The following DHRS7B variants were observed in gnomAD, a reference collection of about 807,000 sequenced individuals.
DHRS7B encodes dehydrogenase/reductase 7B.
Under a neutral mutation model 26.4 loss-of-function variants are expected in DHRS7B, and 24 were observed. The observed-to-expected ratio is 0.91, with a 90% confidence interval of 0.66 to 1.28. The LOEUF is 1.28. Ranked by LOEUF, DHRS7B falls within the 50% of genes most tolerant of loss-of-function variation. The probability of loss-of-function intolerance (pLI) is 0.00; values close to 1 mark genes in which losing one functional copy is unlikely to be tolerated. For missense variants in DHRS7B, 368 were observed against 419.4 expected (o/e 0.88, Z 1.07); for synonymous variants, 142 against 166.4 (o/e 0.85, Z 1.13).
chr17:21,184,024 C>T (rs990733968), intron 4 of DHRS7B, among the ~76,000 whole-genome samples: 4 of 152,202 alleles, frequency 2.6e-5, no homozygotes, highest in Non-Finnish European at 4.4e-5. Context: ...GCATTACCTA[C>T]ATGTCTTTTT....
chr17:21,129,454 C>G (rs1973178241), intron 1 of DHRS7B, among the ~76,000 whole-genome samples: 1 of 151,854 alleles, frequency 6.6e-6, no homozygotes, highest in Non-Finnish European at 1.5e-5. Context: ...ACCTATAATC[C>G]GAGCGCTTTG....
intron 1 of DHRS7B, among the ~76,000 whole-genome samples, chr17:21,138,343 C>T (rs1285543134): frequency 6.6e-6 from 1 of 150,388 alleles, no homozygotes; most frequent in African/African-American, 2.5e-5. Flanking sequence ...CCTGCCTCAG[C>T]CTCCTGAGTA....
At chr17:21,165,916 CAA>C (rs11346854) in intron 1 of DHRS7B, among the ~76,000 whole-genome samples, 125 of 119,410 alleles carry the variant, frequency 1.0e-3, no homozygotes, top group African/African-American at 1.8e-3. Flanking sequence ...ACTCCGTCTC[CAA>C]AAAAAAAAAA....
intron 1 of DHRS7B, among the ~76,000 whole-genome samples, chr17:21,133,389 T>G (rs1164789550): frequency 6.8e-6 from 1 of 147,084 alleles, no homozygotes; most frequent in Non-Finnish European, 1.5e-5. Flanking sequence ...TAATTCCATC[T>G]AGAAAGGCAG....
chr17:21,184,499 T>C, intron 5 of DHRS7B, 36 bp downstream of exon 5: 1 of 1,573,062 alleles, frequency 6.4e-7, no homozygotes, highest in South Asian at 1.1e-5. Context: ...TGCTTGGCTT[T>C]ATTGTTTTTT....
chr17:21,177,259 A>G (rs1597754301), intron 2 of DHRS7B, among the ~76,000 whole-genome samples: 1 of 152,142 alleles, frequency 6.6e-6, no homozygotes, highest in Non-Finnish European at 1.5e-5. Context: ...ACGTGAGAGC[A>G]CCCGGGCAGC....
Position 21,172,121 on chromosome 17 carries a change from C to G in DHRS7B, c.124C>G (p.Gln42Glu), listed in dbSNP as rs749756931. Reference protein sequence around the residue: ...LGVFGLFRLLQWVRGKAYLRN... With the variant: ...LGVFGLFRLLEWVRGKAYLRN... ...CGTCTTCGGCCTCTTCCGGCTGCTG[C>G]AGTGGGTGCGCGGGAAGGCCTACCT... Residue 42 changes from glutamine to glutamate, a missense_variant, in exon 2 of 7, where the codon CAG (glutamine) becomes GAG (glutamate). Physicochemically the swap from Gln to Glu is conservative, Grantham distance 29. Coordinates refer to ENST00000395511, the MANE Select transcript of DHRS7B (RefSeq NM_015510.5). 14 of 1,614,030 alleles carry G rather than the reference C, an allele frequency of 8.7e-6. No individual in the cohort carries two copies. Among genetic ancestry groups the G allele is most frequent in the Non-Finnish European group, 1.1e-5 (13 of 1,180,032 alleles).
At chr17:21,149,244 A>C (rs187164966) in intron 1 of DHRS7B, among the ~76,000 whole-genome samples, 371 of 152,270 alleles carry the variant, frequency 2.4e-3, no homozygotes, top group Non-Finnish European at 4.4e-3. Flanking sequence ...CCATTCAAAA[A>C]TACTGTGTCC....
At chr17:21,150,105 TAAAAAAA>T (rs61516968) in intron 1 of DHRS7B, among the ~76,000 whole-genome samples, 146 of 50,052 alleles carry the variant, frequency 2.9e-3, no homozygotes, top group African/African-American at 0.011. Flanking sequence ...CATCTCTATT[TAAAAAAA>T]AAAAAAAAAA....
At chr17:21,188,004 A>G (rs1244813456) in intron 5 of DHRS7B, among the ~76,000 whole-genome samples, 1 of 151,986 alleles carries the variant, frequency 6.6e-6, no homozygotes, top group African/African-American at 2.4e-5. Context: ...ACCCGCCACC[A>G]AGCCTGGCTA....
chr17:21,186,389 G>A (rs1974635455), intron 5 of DHRS7B, among the ~76,000 whole-genome samples: 1 of 152,134 alleles, frequency 6.6e-6, no homozygotes, highest in African/African-American at 2.4e-5. Flanking sequence ...TCTGTTTTGG[G>A]GACTTACATG....
chr17:21,171,085 C>T (rs1466866202), intron 1 of DHRS7B, among the ~76,000 whole-genome samples: 1 of 152,114 alleles, frequency 6.6e-6, no homozygotes, highest in African/African-American at 2.4e-5. Flanking sequence ...CTGGCTCGCT[C>T]GTCAAGTGGC....
chr17:21,132,360 T>TATATAG (rs1555535750), intron 1 of DHRS7B, among the ~76,000 whole-genome samples: 23 of 146,926 alleles, frequency 1.6e-4, no homozygotes, highest in African/African-American at 5.8e-4. Flanking sequence ...TATATATATA[T>TATATAG]ATAGATAGAT....
At chr17:21,151,156 A>G (rs566750929) in intron 1 of DHRS7B, among the ~76,000 whole-genome samples, 2 of 152,276 alleles carry the variant, frequency 1.3e-5, no homozygotes, top group Admixed American at 6.5e-5. Flanking sequence ...GCTTCTCATT[A>G]TAAGAAATGG....
In DHRS7B at chr17:21,168,735, A is replaced by G. The variant is rs1245064769; in HGVS notation, c.21-3283A>G. 7.1e-6 allele frequency: 7 copies of G among 985,314 alleles called. No homozygotes were observed. In the African/African-American group the frequency reaches 1.0e-4, roughly 15 times the overall value. The allele number at this position is 985,314 out of a possible 1,614,324, so 61.0% of individuals were successfully genotyped here. A position where few individuals can be genotyped will look rare whatever the true frequency, so the allele number is the denominator to read the frequency against. On this transcript the variant is annotated intron_variant, in intron 1 of 6. Transcript: ENST00000395511. ...GCACTTTACCAGACTGAATGCAGAC[A>G]TGCGCTCTCCCCACAGACAGCGGCC...
intron 1 of DHRS7B, among the ~76,000 whole-genome samples, chr17:21,147,896 C>A (rs1973676270): frequency 6.6e-6 from 1 of 152,030 alleles, no homozygotes; most frequent in Admixed American, 6.6e-5. Context: ...ACCTACAGGT[C>A]CCTTGGGCAC....
At chr17:21,184,262 C>T (rs911705066) in intron 4 of DHRS7B, 109 bp from the exon 5 acceptor site, 1 of 962,870 alleles carries the variant, frequency 1.0e-6, no homozygotes, top group Non-Finnish European at 1.6e-6. Flanking sequence ...GGGTTTTCAC[C>T]ATTCTCCCTC....
chr17:21,156,166 T>C (rs1973874194), intron 1 of DHRS7B, among the ~76,000 whole-genome samples: 1 of 152,022 alleles, frequency 6.6e-6, no homozygotes, highest in African/African-American at 2.4e-5. Flanking sequence ...CCAACAAAAC[T>C]AAAAGCTGGT....
At chr17:21,158,005 GATCAT>G (rs1973918080) in intron 1 of DHRS7B, among the ~76,000 whole-genome samples, 1 of 152,000 alleles carries the variant, frequency 6.6e-6, no homozygotes, top group Admixed American at 6.6e-5. Context: ...AAAGTCACAT[GATCAT>G]ATCAGTAGCT....
Sources: allele counts gnomAD v4.1 joint callset (sites outside exome capture counted in the v4.1 genomes callset), GRCh38; gene constraint gnomAD v4.1.1; transcripts MANE v1.5; gene names NCBI Gene and HGNC (gene_info 2026-07-23, HGNC 2026-07-21).